The following LAMB4 variants were observed in gnomAD, a reference collection of about 807,000 sequenced individuals.
The protein encoded by LAMB4 is laminin subunit beta 4, also known as laminin subunit beta-4.
Under a neutral mutation model 199.2 loss-of-function variants are expected in LAMB4, and 196 were observed. That is an observed-to-expected ratio of 0.98 (90% CI 0.88 to 1.11). The LOEUF (loss-of-function observed/expected upper bound fraction) is 1.11, where lower values mean the gene tolerates loss of function less well. Ranked by LOEUF, LAMB4 falls within the 50% of genes least tolerant of loss-of-function variation. The pLI is 0.00. For missense variants in LAMB4, 2,080 were observed against 2,171.2 expected, an observed-to-expected ratio of 0.96 and a Z score of 0.83; for synonymous variants, 744 against 770.6, an observed-to-expected ratio of 0.97 and a Z score of 0.57.
intron 12 of LAMB4, among the ~76,000 whole-genome samples, chr7:108,093,571 C>T (rs1454903995): frequency 6.6e-6 from 1 of 152,202 alleles, no homozygotes; most frequent in East Asian, 1.9e-4. Flanking sequence ...AGAGAGTCAA[C>T]TCTATTGTTC....
chr7:108,044,469 C>G (rs956029089), intron 28 of LAMB4, among the ~76,000 whole-genome samples: 1 of 152,134 alleles, frequency 6.6e-6, no homozygotes. Context: ...AATAGGCTAG[C>G]AAACTAGAAG....
intron 10 of LAMB4, among the ~76,000 whole-genome samples, chr7:108,099,790 G>A (rs55684695): frequency 0.037 from 5,669 of 152,252 alleles, 335 homozygotes; most frequent in African/African-American, 0.13. Context: ...TGAGTTTAGT[G>A]GAAACAATTC....
Position 108,030,708 on chromosome 7 carries a change from G to A in LAMB4, c.4992+98C>T, listed in dbSNP as rs985630269. On this transcript the variant is annotated intron_variant, in intron 32 of 33. Transcript: ENST00000388781. ...CATTGAGTCATGGACCAGCACAAAG[G>A]AAATGATGAGAAATGGCACAAAAAT... 2.7e-6 allele frequency: 3 copies of A among 1,116,960 alleles called. No individual in the cohort carries two copies. The African/African-American group carries it at 4.7e-5, about 17-fold the overall frequency. The allele number at this position is 1,116,960 out of a possible 1,614,324, so 69.2% of individuals were successfully genotyped here.
At chr7:108,020,509 T>G (rs1402067596), downstream of LAMB4, among the ~76,000 whole-genome samples, 3 of 150,800 alleles carry the variant, frequency 2.0e-5, no homozygotes, top group Non-Finnish European at 4.4e-5. Flanking sequence ...AAAGTATGCA[T>G]GTTGTTGTTG....
chr7:108,064,541 G>A (rs1001713567), intron 21 of LAMB4, among the ~76,000 whole-genome samples: 1 of 152,142 alleles, frequency 6.6e-6, no homozygotes, highest in African/African-American at 2.4e-5. Context: ...CTTTACCCTT[G>A]CAACCATGAG....
chr7:108,040,708 T>C (rs2035393681), intron 29 of LAMB4, among the ~76,000 whole-genome samples: 1 of 152,214 alleles, frequency 6.6e-6, no homozygotes, highest in Non-Finnish European at 1.5e-5. Context: ...GCTAGCCATA[T>C]GCAGAACGCT....
intron 10 of LAMB4, among the ~76,000 whole-genome samples, chr7:108,102,482 A>C (rs1268649833): frequency 6.6e-6 from 1 of 152,170 alleles, no homozygotes; most frequent in Non-Finnish European, 1.5e-5. Flanking sequence ...CTGAGACATC[A>C]ATATAGTGCC....
chr7:108,109,107 C>T (rs111436664), intron 5 of LAMB4, 64 bp downstream of exon 5: 13 of 1,233,030 alleles, frequency 1.1e-5, no homozygotes, highest in African/African-American at 8.9e-5. Flanking sequence ...CAGTGAAATT[C>T]CAGATAAACA....
In LAMB4 at chr7:108,023,919, C is replaced by G; in HGVS notation, c.*120G>C. ...ACACTGAGCAGGTGTCTAATAAGGA[C>G]AGGGTGTGGGGAAGGAAGGTAGAAG... is the stretch of plus-strand genomic sequence containing the variant. On this transcript the variant is annotated 3_prime_UTR_variant, in exon 34 of 34. Coordinates refer to ENST00000388781, the MANE Select transcript of LAMB4 (RefSeq NM_007356.3). 1.3e-6 allele frequency: 1 copy of G among 757,686 alleles called. No individual in the cohort carries two copies. Among genetic ancestry groups the G allele is most frequent in the Non-Finnish European group, 2.0e-6 (1 of 505,314 alleles). The allele number at this position is 757,686 out of a possible 1,614,324, so 46.9% of individuals were successfully genotyped here.
In LAMB4 at chr7:108,058,048, G is replaced by A. The variant is rs1457249525; in HGVS notation, c.3283-120C>T. ...AACATACAGCTGTGCAAAGGCGGAG[G>A]AAGGATGATTCCCATGTCCAGCAGC... On this transcript the variant is annotated intron_variant, in intron 23 of 33. Transcript: ENST00000388781. 5 of 691,722 alleles carry A rather than the reference G, an allele frequency of 7.2e-6. No individual in the cohort carries two copies. The East Asian group carries it at 1.4e-4, about 19-fold the overall frequency. The allele number at this position is 691,722 out of a possible 1,614,324, so 42.8% of individuals were successfully genotyped here. A position where few individuals can be genotyped will look rare whatever the true frequency, so the allele number is the denominator to read the frequency against.
chr7:108,081,457 T>C (rs1319476780), intron 14 of LAMB4, among the ~76,000 whole-genome samples: 2 of 152,242 alleles, frequency 1.3e-5, no homozygotes, highest in African/African-American at 4.8e-5. Context: ...CTCTGCTCTT[T>C]CCTTTTCTCT....
At chr7:108,108,592 C>G (rs1055892640) in intron 5 of LAMB4, among the ~76,000 whole-genome samples, 3 of 151,706 alleles carry the variant, frequency 2.0e-5, no homozygotes, top group Non-Finnish European at 4.4e-5. Context: ...TTATAATTTT[C>G]TATTATATTT....
chr7:108,044,254 C>T (rs564269267), intron 28 of LAMB4: 1 of 169,562 alleles, frequency 5.9e-6, no homozygotes, highest in East Asian at 1.7e-4. Flanking sequence ...CTGCCATGGT[C>T]ATCACGTTTA....
chr7:108,128,587 T>G (rs2038875974), intron 1 of LAMB4, among the ~76,000 whole-genome samples: 1 of 152,202 alleles, frequency 6.6e-6, no homozygotes, highest in Admixed American at 6.5e-5. Context: ...TTAGGAGAGC[T>G]AAGCTCCAAA....
chr7:108,094,886 A>G (rs2037537838), intron 12 of LAMB4, among the ~76,000 whole-genome samples: 1 of 152,182 alleles, frequency 6.6e-6, no homozygotes, highest in African/African-American at 2.4e-5. Context: ...AAGGGATAGA[A>G]GAAAGTTCTG....
At chr7:108,078,140 A>C in intron 16 of LAMB4, 61 bp downstream of exon 16, 1 of 1,090,424 alleles carries the variant, frequency 9.2e-7, no homozygotes, top group Non-Finnish European at 1.4e-6. Context: ...GAAACAAATT[A>C]CTGATAAGTG....
intron 1 of LAMB4, among the ~76,000 whole-genome samples, chr7:108,125,931 A>T (rs1267746837): frequency 6.6e-6 from 1 of 152,214 alleles, no homozygotes; most frequent in Non-Finnish European, 1.5e-5. Context: ...TGGTACAAAG[A>T]CTACTGGACT....
chr7:108,101,346 C>A (rs2037808637), intron 10 of LAMB4, among the ~76,000 whole-genome samples: 2 of 152,152 alleles, frequency 1.3e-5, no homozygotes, highest in Non-Finnish European at 2.9e-5. Context: ...CTTCCACTTG[C>A]TATAAAGCAA....
intron 26 of LAMB4, among the ~76,000 whole-genome samples, chr7:108,050,130 G>T (rs1016338429): frequency 6.6e-6 from 1 of 152,128 alleles, no homozygotes; most frequent in Non-Finnish European, 1.5e-5. Context: ...AAGAGGTGAG[G>T]TTGTGTTCCA....
Sources: allele counts gnomAD v4.1 joint callset (sites outside exome capture counted in the v4.1 genomes callset), GRCh38; gene constraint gnomAD v4.1.1; transcripts MANE v1.5; gene names NCBI Gene and HGNC (gene_info 2026-07-23, HGNC 2026-07-21).